The following MAP1B variants were observed in gnomAD, a reference collection of about 807,000 sequenced individuals.
The protein encoded by MAP1B is microtubule-associated protein 1B.
In MAP1B, 12 loss-of-function variants were observed where a neutral mutation model predicts 176.1. That is an observed-to-expected ratio of 0.07 (90% CI 0.04 to 0.11). The LOEUF (loss-of-function observed/expected upper bound fraction) is 0.11. Ranked by LOEUF, MAP1B falls within the 10% of genes least tolerant of loss-of-function variation. The probability of loss-of-function intolerance (pLI) is 1.00; values close to 1 mark genes in which losing one functional copy is unlikely to be tolerated. For missense variants in MAP1B, 2,523 were observed against 2,990.5 expected (o/e 0.84, Z 3.65); for synonymous variants, 1,044 against 1,135.0 (o/e 0.92, Z 1.61).
rs561768609 is a variant in MAP1B at position 72,168,727 on chromosome 5, ATTTGACTACCTTG to A, written c.287-15008_287-14996del. Among the ~76,000 whole-genome samples, 209 of 152,344 alleles carry A rather than the reference ATTTGACTACCTTG, an allele frequency of 1.4e-3. 1 individual carries two copies. The highest frequency in any genetic ancestry group is 4.9e-3 in the African/African-American group (205 of 41,598). ...AAGAAGATAGAAGAGGACAGAATTT[ATTTGACTACCTTG>A]TTTGACTTGCTCTTTGTCATGGGTT... On this transcript the variant is annotated intron_variant, in intron 2 of 6. Transcript: ENST00000296755.
intron 4 of MAP1B, among the ~76,000 whole-genome samples, chr5:72,189,220 A>G (rs1746973812): frequency 6.6e-6 from 1 of 152,198 alleles, no homozygotes; most frequent in South Asian, 2.1e-4. Context: ...AGTCTTAATC[A>G]CTGGAGATCA....
At chr5:72,148,857 A>G (rs1311524421) in intron 2 of MAP1B, among the ~76,000 whole-genome samples, 1 of 152,228 alleles carries the variant, frequency 6.6e-6, no homozygotes, top group Non-Finnish European at 1.5e-5. Flanking sequence ...TAACTCTCCA[A>G]CTTGGAGCAT....
At chr5:72,135,889 G>A (rs4704554) in intron 2 of MAP1B, among the ~76,000 whole-genome samples, 67,826 of 152,008 alleles carry the variant, frequency 0.45, 15,422 homozygotes, top group African/African-American at 0.52. Context: ...TGCTCCTGTA[G>A]GACTGATATT....
At chr5:72,130,284 G>A (rs1561293631) in intron 2 of MAP1B, among the ~76,000 whole-genome samples, 1 of 152,030 alleles carries the variant, frequency 6.6e-6, no homozygotes, top group Non-Finnish European at 1.5e-5. Context: ...TTTCAGAAAT[G>A]GCTTTTTCCC....
intron 2 of MAP1B, among the ~76,000 whole-genome samples, chr5:72,179,159 A>G (rs992844363): frequency 4.6e-5 from 7 of 152,140 alleles, no homozygotes; most frequent in Admixed American, 4.6e-4. Context: ...CCCGCCACCC[A>G]GGTCGAGGCT....
intron 2 of MAP1B, among the ~76,000 whole-genome samples, chr5:72,154,227 G>A (rs768415467): frequency 5.3e-5 from 8 of 152,276 alleles, no homozygotes; most frequent in South Asian, 2.1e-4. Flanking sequence ...TATCTGAAGT[G>A]TTCCCAGAGG....
chr5:72,198,147 C>T lies in MAP1B; in HGVS notation c.4792C>T (p.Pro1598Ser). 6.2e-7 allele frequency: 1 copy of T among 1,614,194 alleles called. No homozygotes were observed. The highest frequency in any genetic ancestry group is 8.5e-7 in the Non-Finnish European group (1 of 1,180,030). The stretch of plus-strand genomic sequence containing the variant: ...CCTTTCAGTGTCTGTTGTGCAAACA[C>T]CTACCACATTCCAGGAAACAGAAAT... Reference protein sequence around the residue: ...DSLSVSVVQTPTTFQETEMSP... With the variant: ...DSLSVSVVQTSTTFQETEMSP... The change falls in exon 5 of 7, where the codon CCT (proline) becomes TCT (serine). Residue 1598 changes from proline to serine, a missense_variant. This residue lies in a region of MAP1B where 1,925 missense variants were observed against 2,126.0 expected (regional missense o/e 0.91). Transcript: ENST00000296755.
At position 72,194,494 on chromosome 5, in the gene MAP1B, A is replaced by C. The variant is rs146154310; in HGVS notation, c.1139A>C (p.Glu380Ala). The change falls in exon 5 of 7, where the codon GAA (glutamate) becomes GCA (alanine). Residue 380 changes from glutamate (E) to alanine (A), a missense_variant. Glu to Ala is a moderately radical substitution (Grantham distance 107). Around this residue, in one of 4 missense-constraint regions of MAP1B, gnomAD observed 1,925 missense variants for 2,126.0 expected, o/e 0.91. Coordinates refer to ENST00000296755, the MANE Select transcript of MAP1B (RefSeq NM_005909.5). The surrounding 1 kb of genome is among the most constrained non-coding windows in gnomAD (Gnocchi z 7.2). ...ATCAAGATGAAGAGAAGCATAGAAGAAGCCTGCTTCACTCTCCAGTACCTA... is the reference window on the plus strand; with the variant it reads ...ATCAAGATGAAGAGAAGCATAGAAGCAGCCTGCTTCACTCTCCAGTACCTA... ...PNIKMKRSIE[E>A]ACFTLQYLNK... is the part of the protein sequence containing the mutation. 2.5e-6 allele frequency: 4 copies of C among 1,613,962 alleles called. No homozygotes were observed. The highest frequency in any genetic ancestry group is 3.3e-5 in the Admixed American group (2 of 59,998).
At chr5:72,187,952 C>T (rs1746946305) in intron 4 of MAP1B, among the ~76,000 whole-genome samples, 1 of 152,194 alleles carries the variant, frequency 6.6e-6, no homozygotes, top group African/African-American at 2.4e-5. Flanking sequence ...GATGGGATCC[C>T]CCAGGCAGGC....
Position 72,186,607 on chromosome 5 carries a change from A to G in MAP1B, c.370-7A>G. On this transcript the variant is annotated splice_polypyrimidine_tract_variant and splice_region_variant and intron_variant, in intron 3 of 6. Transcript: ENST00000296755. The surrounding 1 kb of genome is among the most constrained non-coding windows in gnomAD (Gnocchi z 4.3). ...GCTCAGGGCCTACGTTCTGTGCTTT[A>G]TTTCAGGTGCGCTTAATGATCACTG... is the stretch of plus-strand genomic sequence containing the variant. 1 of 1,613,780 alleles carries G rather than the reference A, an allele frequency of 6.2e-7. No homozygotes were observed.
intron 2 of MAP1B, among the ~76,000 whole-genome samples, chr5:72,162,715 G>A (rs987986729): frequency 1.3e-5 from 2 of 152,052 alleles, no homozygotes; most frequent in Non-Finnish European, 2.9e-5. Flanking sequence ...TAGGGACTTG[G>A]TAAATGTTAA....
chr5:72,127,868 C>T (rs575730335), intron 2 of MAP1B, among the ~76,000 whole-genome samples: 4 of 152,266 alleles, frequency 2.6e-5, no homozygotes, highest in African/African-American at 9.6e-5. Context: ...TAAAATTTAT[C>T]TAGAATTAAC....
chr5:72,114,572 A>G (rs922305706), intron 1 of MAP1B, among the ~76,000 whole-genome samples: 5 of 152,254 alleles, frequency 3.3e-5, no homozygotes, highest in Non-Finnish European at 7.3e-5. Context: ...TGGCTCCACC[A>G]TGAGCAACCT....
intron 4 of MAP1B, among the ~76,000 whole-genome samples, chr5:72,192,346 T>C: frequency 6.6e-6 from 1 of 152,262 alleles, no homozygotes; most frequent in Non-Finnish European, 1.5e-5. Context: ...TTTTTCACTT[T>C]TCTTAGCTCC....
At chr5:72,154,135 G>T (rs1746189785) in intron 2 of MAP1B, among the ~76,000 whole-genome samples, 1 of 152,062 alleles carries the variant, frequency 6.6e-6, no homozygotes, top group Non-Finnish European at 1.5e-5. Flanking sequence ...TTTTCTTTAT[G>T]ACTCGTCTCT....
intron 2 of MAP1B, among the ~76,000 whole-genome samples, chr5:72,156,318 G>A (rs76778403): frequency 1.9e-3 from 290 of 152,216 alleles, no homozygotes; most frequent in African/African-American, 6.7e-3. Flanking sequence ...CCTCTCTTGG[G>A]ATAAACATTA....
intron 4 of MAP1B, among the ~76,000 whole-genome samples, chr5:72,190,380 C>A (rs1261905758): frequency 6.6e-6 from 1 of 152,154 alleles, no homozygotes. Context: ...ATGATAAATC[C>A]ATTTGACTGT....
At chr5:72,120,463 T>C (rs777413876) in intron 2 of MAP1B, among the ~76,000 whole-genome samples, 3 of 151,412 alleles carry the variant, frequency 2.0e-5, no homozygotes, top group South Asian at 2.1e-4. Flanking sequence ...CTTGCTCTGT[T>C]GCCCAGGCTG....
intron 1 of MAP1B, among the ~76,000 whole-genome samples, chr5:72,114,080 C>A (rs898026914): frequency 6.6e-6 from 1 of 152,166 alleles, no homozygotes; most frequent in Non-Finnish European, 1.5e-5. Flanking sequence ...TGAATTCTTC[C>A]CATTGATCAT....
Sources: gnomAD v4.1 joint callset for allele counts (sites outside exome capture counted in the v4.1 genomes callset) on GRCh38, gnomAD v4.1.1 for gene constraint, gnomAD v4.1.1 regional missense constraint, Gnocchi (gnomAD v3.1) non-coding constraint, MANE v1.5 for transcripts, NCBI Gene and HGNC (gene_info 2026-07-23, HGNC 2026-07-21) for gene names.